Variants in OCA2 observed in about 807,000 individuals in gnomAD.
The protein encoded by OCA2 is OCA2 melanosomal transmembrane protein.
In OCA2, 77 loss-of-function variants were observed where a neutral mutation model predicts 100.2. The observed-to-expected ratio is 0.77, with a 90% CI of 0.64 to 0.93. The LOEUF (loss-of-function observed/expected upper bound fraction) is 0.93. Ranked by LOEUF, OCA2 falls within the 40% of genes least tolerant of loss-of-function variation. The pLI is 0.00. For missense variants in OCA2, 1,062 were observed against 1,089.1 expected (o/e 0.98, Z 0.35); for synonymous variants, 432 against 439.2 (o/e 0.98, Z 0.21).
At chr15:28,078,323 G>A (rs2044500203) in intron 2 of OCA2, among the ~76,000 whole-genome samples, 1 of 152,176 alleles carries the variant, frequency 6.6e-6, no homozygotes, top group Non-Finnish European at 1.5e-5. Flanking sequence ...GGTTGGTGAT[G>A]CCTGAGTGGC....
intron 19 of OCA2, among the ~76,000 whole-genome samples, chr15:27,918,379 T>C (rs2038744449): frequency 6.6e-6 from 1 of 151,992 alleles, no homozygotes; most frequent in African/African-American, 2.4e-5. Context: ...ACCTCTTGAG[T>C]TTCAAGAAGA....
the OCA2 span, among the ~76,000 whole-genome samples, chr15:27,732,314 ATCTT>A: frequency 6.6e-6 from 1 of 152,202 alleles, no homozygotes; most frequent in Non-Finnish European, 1.5e-5. Flanking sequence ...GTTGGTTTCT[ATCTT>A]CAGCACCTGT....
intron 3 of OCA2, among the ~76,000 whole-genome samples, chr15:28,029,734 T>TAAATC (rs10649103): frequency 0.098 from 14,908 of 152,118 alleles, 2,299 homozygotes; most frequent in African/African-American, 0.33. Context: ...TGAAAATATA[T>TAAATC]AAATCAATGG....
Position 28,053,880 on chromosome 15 carries a change from C to T in OCA2, c.228-21717G>A, listed in dbSNP as rs570450380. On this transcript the variant is annotated intron_variant, in intron 2 of 23. Transcript: ENST00000354638. ...GCCCACTGAGCTCAGGTCATCTGCT[C>T]CCAACCACTGCCCCCACAGGCAAGT... Among the ~76,000 whole-genome samples the T allele has an allele frequency of 3.7e-3, 569 of 152,328 alleles. 2 individuals are homozygous for T. Among genetic ancestry groups the T allele is most frequent in the African/African-American group, 0.013 (555 of 41,576 alleles).
intron 9 of OCA2, among the ~76,000 whole-genome samples, chr15:28,002,854 C>T (rs928198137): frequency 2.6e-5 from 4 of 152,178 alleles, no homozygotes; most frequent in Admixed American, 1.3e-4. Flanking sequence ...CCGTGTGACC[C>T]AAGGAGAAGG....
intron 2 of OCA2, among the ~76,000 whole-genome samples, chr15:28,064,593 C>CAGCTCAAGA (rs947040241): frequency 6.6e-6 from 1 of 152,056 alleles, no homozygotes; most frequent in African/African-American, 2.4e-5. Flanking sequence ...TTATACTTTT[C>CAGCTCAAGA]AGCTCAAGAA....
chr15:27,805,639 G>A (rs1279880339), intron 23 of OCA2, among the ~76,000 whole-genome samples: 1 of 152,156 alleles, frequency 6.6e-6, no homozygotes, highest in Non-Finnish European at 1.5e-5. Context: ...GGCTGGAGCG[G>A]GCCGCTGGCA....
chr15:27,741,540 T>G, the OCA2 span, among the ~76,000 whole-genome samples: 1 of 152,178 alleles, frequency 6.6e-6, no homozygotes, highest in African/African-American at 2.4e-5. Context: ...GACAGAATCC[T>G]GAGTACGGTT....
rs143888559 is a variant in OCA2 at position 28,008,687 on chromosome 15, T to C, written c.1044+6089A>G. 1.2e-3 allele frequency among the ~76,000 whole-genome samples: 183 copies of C among 152,336 alleles called. 3 individuals carry two copies. Among genetic ancestry groups the C allele is most frequent in the African/African-American group, 4.3e-3 (180 of 41,586 alleles). ...TTCTGCAGAAAGTATAAAAATGGCCTTGCTGAGGAAATTAAATTTATGTTC... is the reference window on the plus strand; with the variant it reads ...TTCTGCAGAAAGTATAAAAATGGCCCTGCTGAGGAAATTAAATTTATGTTC... On this transcript the variant is annotated intron_variant, in intron 9 of 23. Transcript: ENST00000354638.
At position 27,851,422 on chromosome 15, in the gene OCA2, C is replaced by T. The variant is rs914937583; in HGVS notation, c.2298G>A (p.Pro766=). ...CGAAGGCCAGGGCATACATGAGCGG[C>T]GGTGCGGGCAGGCCAACCTCAGGGT... ...SHDPEVGLPA[P]PLMYALAFGA... is the part of the protein sequence containing the mutation. Residue 766 remains proline (P), a synonymous_variant, in exon 22 of 24, where the codon CCG becomes CCA. Transcript: ENST00000354638. 37 of 1,613,830 alleles carry T rather than the reference C, an allele frequency of 2.3e-5. No individual in the cohort carries two copies. The highest frequency in any genetic ancestry group is 4.5e-5 in the East Asian group (2 of 44,882).
At chr15:27,922,966 C>T (rs373203095) in intron 19 of OCA2, among the ~76,000 whole-genome samples, 1 of 151,624 alleles carries the variant, frequency 6.6e-6, no homozygotes, top group Non-Finnish European at 1.5e-5. Context: ...CCTCCTCCCA[C>T]CTTTCATCCT....
intron 5 of OCA2, 116 bp from the exon 6 acceptor site, chr15:28,022,689 T>G (rs2141299275): frequency 1.3e-6 from 1 of 753,762 alleles, no homozygotes; most frequent in Non-Finnish European, 2.4e-6. Context: ...GTGCATCCAG[T>G]ACGCGCCAGC....
At chr15:28,001,473 G>A (rs71467317) in intron 9 of OCA2, among the ~76,000 whole-genome samples, 2 of 152,168 alleles carry the variant, frequency 1.3e-5, no homozygotes, top group Non-Finnish European at 2.9e-5. Context: ...GGGAGATGAA[G>A]AGCTGACCGC....
At chr15:28,005,863 A>G (rs2042076638) in intron 9 of OCA2, among the ~76,000 whole-genome samples, 1 of 152,176 alleles carries the variant, frequency 6.6e-6, no homozygotes, top group African/African-American at 2.4e-5. Context: ...GATGATGAAA[A>G]CATAGAGCCA....
Position 28,024,984 on chromosome 15 carries a change from T to A in OCA2, c.516-82A>T. 3 of 1,257,768 alleles carry A rather than the reference T, an allele frequency of 2.4e-6. 1 individual carries two copies. The highest frequency in any genetic ancestry group is 3.5e-6 in the Non-Finnish European group (3 of 867,484). The allele number at this position is 1,257,768 out of a possible 1,614,324, so 77.9% of individuals were successfully genotyped here. On this transcript the variant is annotated intron_variant, in intron 4 of 23. Coordinates refer to ENST00000354638, the MANE Select transcript of OCA2 (RefSeq NM_000275.3). ...TCAGACACTTTTCTGCAGCCTTGAG[T>A]AACTTCCATCTCAAAGCATGTGTTT...
chr15:27,862,452 G>GA (rs577667478), intron 21 of OCA2, among the ~76,000 whole-genome samples: 1 of 148,794 alleles, frequency 6.7e-6, no homozygotes, highest in African/African-American at 2.5e-5. Context: ...AAAGAACTTT[G>GA]AAAAAAAAGT....
chr15:28,037,765 G>A (rs1595864194), intron 2 of OCA2, among the ~76,000 whole-genome samples: 1 of 152,152 alleles, frequency 6.6e-6, no homozygotes, highest in Non-Finnish European at 1.5e-5. Context: ...TAGGCTCCCA[G>A]CTGCTGAGGG....
intron 2 of OCA2, among the ~76,000 whole-genome samples, chr15:28,041,261 C>T (rs34022588): frequency 0.29 from 43,952 of 150,582 alleles, 10,729 homozygotes; most frequent in African/African-American, 0.67. Context: ...GAAAAAAAAA[C>T]GTGAGCATCT....
chr15:27,925,547 C>T (rs2140366801), intron 19 of OCA2, among the ~76,000 whole-genome samples: 1 of 152,214 alleles, frequency 6.6e-6, no homozygotes, highest in South Asian at 2.1e-4. Context: ...AATGAAAGCA[C>T]GTTACATGTT....
Sources: allele counts gnomAD v4.1 joint callset (sites outside exome capture counted in the v4.1 genomes callset), GRCh38; gene constraint gnomAD v4.1.1; transcripts MANE v1.5; gene names NCBI Gene and HGNC (gene_info 2026-07-23, HGNC 2026-07-21).